Variants in ENTHD1 observed in about 807,000 individuals in gnomAD.
ENTHD1 encodes ENTH domain containing 1, also known as ENTH domain-containing protein 1.
ENTHD1 carries 23 observed loss-of-function variants against 39.1 expected under a neutral mutation model. The ratio of observed to expected loss-of-function variants is 0.59; its 90% CI spans 0.42 to 0.83. The LOEUF (loss-of-function observed/expected upper bound fraction) is 0.83, where lower values mean the gene tolerates loss of function less well. Among genes scored for constraint, ENTHD1 ranks in the 40% least tolerant of loss-of-function variants. ENTHD1 has a pLI of 0.00. For missense variants in ENTHD1, 624 were observed against 705.4 expected, an observed-to-expected ratio of 0.88 and a Z score of 1.31; for synonymous variants, 230 against 258.2, an observed-to-expected ratio of 0.89 and a Z score of 1.05.
At chr22:39,767,877 C>A (rs1387185173) in intron 5 of ENTHD1, among the ~76,000 whole-genome samples, 1 of 152,074 alleles carries the variant, frequency 6.6e-6, no homozygotes, top group Non-Finnish European at 1.5e-5. Context: ...TGAAGCAAAC[C>A]AGACAGAAGT....
At chr22:39,789,690 C>T (rs555145939) in intron 5 of ENTHD1, among the ~76,000 whole-genome samples, 11 of 152,254 alleles carry the variant, frequency 7.2e-5, no homozygotes, top group African/African-American at 2.6e-4. Context: ...AAAGTCTTTG[C>T]CCTCTTAAAG....
intron 5 of ENTHD1, among the ~76,000 whole-genome samples, chr22:39,801,324 G>T (rs1482831350): frequency 6.6e-6 from 1 of 152,190 alleles, no homozygotes; most frequent in African/African-American, 2.4e-5. Flanking sequence ...TGCTTATCAA[G>T]ATTTGTAATT....
At position 39,765,456 on chromosome 22, in the gene ENTHD1, A is replaced by T. The variant is rs573118423; in HGVS notation, c.986T>A (p.Leu329Ter). 13 of 1,613,874 alleles carry T rather than the reference A, an allele frequency of 8.1e-6. No homozygotes were observed. In the South Asian group the frequency reaches 1.4e-4, roughly 18 times the overall value. Residue 329 changes from leucine to a stop codon, truncating the protein, a stop_gained, in exon 6 of 7, where the codon TTG becomes TAG. Transcript: ENST00000325157. LOFTEE classifies it high-confidence loss of function. ...KQSAAEGLKT[L>*]TILPACWSSK... ...TGACCAACATGCTGGTAAAATTGTC[A>T]ATGTTTTAAGACCTTCTGCAGCTGA...
chr22:39,831,056 C>T (rs1310470595), intron 4 of ENTHD1, among the ~76,000 whole-genome samples: 2 of 152,216 alleles, frequency 1.3e-5, no homozygotes, highest in Non-Finnish European at 2.9e-5. Flanking sequence ...AGGAGCTCAA[C>T]TGCTGAAGGC....
intron 3 of ENTHD1, among the ~76,000 whole-genome samples, chr22:39,849,143 T>G (rs1477424568): frequency 6.6e-6 from 1 of 152,148 alleles, no homozygotes; most frequent in Non-Finnish European, 1.5e-5. Context: ...ACCCTCCACC[T>G]TACTCTATTT....
chr22:39,793,361 T>A (rs2065521072), intron 5 of ENTHD1, among the ~76,000 whole-genome samples: 1 of 151,796 alleles, frequency 6.6e-6, no homozygotes, highest in African/African-American at 2.4e-5. Context: ...TTTTTGCTGT[T>A]GTTTGAGTTC....
intron 6 of ENTHD1, among the ~76,000 whole-genome samples, chr22:39,751,506 G>A (rs1300545407): frequency 7.9e-5 from 12 of 152,190 alleles, no homozygotes. Context: ...ATAATTAGAT[G>A]TACAGATGTT....
intron 4 of ENTHD1, among the ~76,000 whole-genome samples, chr22:39,824,778 T>G (rs1463003364): frequency 6.6e-6 from 1 of 152,228 alleles, no homozygotes; most frequent in Non-Finnish European, 1.5e-5. Context: ...TCCAAGTGTT[T>G]GTCTCTCCAC....
At chr22:39,875,541 A>G (rs1368059636) in intron 2 of ENTHD1, 1 of 1,610,856 alleles carries the variant, frequency 6.2e-7, no homozygotes, top group African/African-American at 1.3e-5. Context: ...ACAGACGTCA[A>G]GGTGCCTGAC....
At chr22:39,818,800 C>T (rs911809619) in intron 5 of ENTHD1, among the ~76,000 whole-genome samples, 5 of 152,152 alleles carry the variant, frequency 3.3e-5, no homozygotes, top group South Asian at 4.1e-4. Context: ...ATCCCCCCTC[C>T]GGCTACATTT....
chr22:39,744,923 A>T (rs1342533967), intron 6 of ENTHD1, among the ~76,000 whole-genome samples: 1 of 152,138 alleles, frequency 6.6e-6, no homozygotes, highest in Non-Finnish European at 1.5e-5. Flanking sequence ...AAAATTACAT[A>T]TTTGGGAAAG....
chr22:39,829,261 T>G (rs997211059), intron 4 of ENTHD1, among the ~76,000 whole-genome samples: 4 of 152,096 alleles, frequency 2.6e-5, no homozygotes, highest in Non-Finnish European at 5.9e-5. Flanking sequence ...CTTCTAAACT[T>G]CTTTTGAGAG....
intron 3 of ENTHD1, among the ~76,000 whole-genome samples, chr22:39,845,827 T>C (rs891042702): frequency 3.3e-5 from 5 of 152,224 alleles, no homozygotes; most frequent in Non-Finnish European, 1.5e-5. Flanking sequence ...TTCTGGATAC[T>C]AATCCTTTGT....
chr22:39,754,445 G>T (rs762775504), intron 6 of ENTHD1, among the ~76,000 whole-genome samples: 1 of 152,072 alleles, frequency 6.6e-6, no homozygotes, highest in African/African-American at 2.4e-5. Context: ...AAACCTAAGC[G>T]TTCTCTTCAT....
intron 5 of ENTHD1, among the ~76,000 whole-genome samples, chr22:39,807,826 T>A (rs2065655201): frequency 6.6e-6 from 1 of 152,142 alleles, no homozygotes. Flanking sequence ...TCAATAAACA[T>A]TGTTTTGTGA....
intron 2 of ENTHD1, among the ~76,000 whole-genome samples, chr22:39,868,152 T>C (rs1292356546): frequency 1.3e-5 from 2 of 151,756 alleles, no homozygotes; most frequent in African/African-American, 4.8e-5. Flanking sequence ...TATTTGTGGC[T>C]GTGGATCTAA....
At chr22:39,754,445 G>A (rs762775504) in intron 6 of ENTHD1, among the ~76,000 whole-genome samples, 7 of 152,190 alleles carry the variant, frequency 4.6e-5, no homozygotes, top group South Asian at 2.1e-4. Context: ...AAACCTAAGC[G>A]TTCTCTTCAT....
intron 5 of ENTHD1, among the ~76,000 whole-genome samples, chr22:39,782,045 G>A (rs1480469301): frequency 6.6e-6 from 1 of 152,176 alleles, no homozygotes; most frequent in Non-Finnish European, 1.5e-5. Context: ...CCAGCACTTT[G>A]AGAGGATGAA....
intron 5 of ENTHD1, among the ~76,000 whole-genome samples, chr22:39,778,191 G>A (rs780810679): frequency 3.3e-5 from 5 of 152,172 alleles, no homozygotes; most frequent in Admixed American, 1.3e-4. Context: ...CTGAAGAAGT[G>A]GGATTACAGG....
Sources: gnomAD v4.1 joint callset for allele counts (sites outside exome capture counted in the v4.1 genomes callset) on GRCh38, gnomAD v4.1.1 for gene constraint, MANE v1.5 for transcripts, NCBI Gene and HGNC (gene_info 2026-07-23, HGNC 2026-07-21) for gene names.